Variants in SCAPER observed in about 807,000 individuals in gnomAD.
SCAPER encodes the protein S-phase cyclin A associated protein in the ER.
SCAPER carries 98 observed loss-of-function variants against 182.2 expected under a neutral mutation model. The ratio of observed to expected loss-of-function variants is 0.54; its 90% CI spans 0.46 to 0.64. The LOEUF (loss-of-function observed/expected upper bound fraction) is 0.64, where lower values mean the gene tolerates loss of function less well. SCAPER is among the 30% of genes least tolerant of loss of function. The pLI is 0.00. For synonymous variants in SCAPER, 605 were observed against 564.6 expected, an observed-to-expected ratio of 1.07 and a Z score of -1.01; for missense variants, 1,432 against 1,690.0, an observed-to-expected ratio of 0.85 and a Z score of 2.68.
chr15:76,858,645 T>G (rs1383948161), intron 3 of SCAPER, among the ~76,000 whole-genome samples: 3 of 152,158 alleles, frequency 2.0e-5, no homozygotes, highest in Non-Finnish European at 4.4e-5. Flanking sequence ...TAGGCCCTGT[T>G]GTCTTTTGCT....
chr15:76,694,386 G>T (rs571106268), intron 20 of SCAPER, among the ~76,000 whole-genome samples: 2 of 152,066 alleles, frequency 1.3e-5, no homozygotes, highest in South Asian at 4.2e-4. Flanking sequence ...TTCTTTTTCA[G>T]AAAGTTCATT....
intron 23 of SCAPER, among the ~76,000 whole-genome samples, chr15:76,553,374 C>T (rs1240810478): frequency 3.9e-5 from 6 of 152,228 alleles, no homozygotes; most frequent in African/African-American, 1.4e-4. Flanking sequence ...CCTGTCACCA[C>T]ATGGCCAACA....
chr15:76,469,816 T>C (rs560606581), intron 25 of SCAPER, among the ~76,000 whole-genome samples: 1 of 152,296 alleles, frequency 6.6e-6, no homozygotes, highest in African/African-American at 2.4e-5. Flanking sequence ...AGCAAATATA[T>C]TAAAATGCCT....
chr15:76,348,192 C>A lies in SCAPER; in HGVS notation c.*441G>T, dbSNP rs999508565. ...AGACCTTAAAAAGTTAAATTTAGAGCAGGTAAACTTTAATTAAGTCTTTAT... is the reference window on the plus strand; with the variant it reads ...AGACCTTAAAAAGTTAAATTTAGAGAAGGTAAACTTTAATTAAGTCTTTAT... On this transcript the variant is annotated 3_prime_UTR_variant, in exon 32 of 32. Coordinates refer to ENST00000563290, the MANE Select transcript of SCAPER (RefSeq NM_020843.4). 2.6e-5 allele frequency: 4 copies of A among 152,734 alleles called. No individual in the cohort carries two copies. Among genetic ancestry groups the A allele is most frequent in the African/African-American group, 9.7e-5 (4 of 41,436 alleles). 9.5% of individuals were successfully genotyped at this position (152,734 alleles called of 1,614,324 possible).
chr15:76,733,206 T>C, intron 16 of SCAPER, 23 bp downstream of exon 16: 1 of 1,550,954 alleles, frequency 6.4e-7, no homozygotes, highest in Non-Finnish European at 8.7e-7. Flanking sequence ...TCAAGCAATG[T>C]TTGCTGAATA....
At chr15:76,670,532 T>G (rs760693756) in intron 20 of SCAPER, among the ~76,000 whole-genome samples, 36 of 152,328 alleles carry the variant, frequency 2.4e-4, no homozygotes, top group Non-Finnish European at 4.1e-4. Flanking sequence ...TCCTTTATGA[T>G]CAAATCACAG....
At chr15:76,396,266 A>G (rs1171340589) in intron 27 of SCAPER, among the ~76,000 whole-genome samples, 1 of 152,024 alleles carries the variant, frequency 6.6e-6, no homozygotes, top group Admixed American at 6.6e-5. Flanking sequence ...TGATTCTTCC[A>G]GTTTTGTTCT....
intron 26 of SCAPER, among the ~76,000 whole-genome samples, chr15:76,418,652 CTG>C (rs1158193236): frequency 6.6e-6 from 1 of 152,258 alleles, no homozygotes; most frequent in South Asian, 2.1e-4. Context: ...ATCACTATAA[CTG>C]TAGCTGGCTG....
intron 21 of SCAPER, among the ~76,000 whole-genome samples, chr15:76,626,580 G>T (rs1293515034): frequency 6.6e-6 from 1 of 152,176 alleles, no homozygotes; most frequent in Non-Finnish European, 1.5e-5. Flanking sequence ...AGCTGGGTGT[G>T]GTGGCGCACG....
rs1176490015 is a variant in SCAPER at position 76,814,495 on chromosome 15, C to G, written c.394-9862G>C. The stretch of plus-strand genomic sequence containing the variant: ...GTGGTCAACTAATTTTCAACAAGAC[C>G]ACCAAAAAAACACAATGAGAAAAGG... On this transcript the variant is annotated intron_variant, in intron 5 of 31. Transcript: ENST00000563290. Among the ~76,000 whole-genome samples the G allele has an allele frequency of 2.0e-5, 3 of 151,736 alleles. No individual in the cohort carries two copies. The East Asian group carries it at 5.8e-4, about 29-fold the overall frequency.
intron 17 of SCAPER, among the ~76,000 whole-genome samples, chr15:76,713,065 G>C (rs2059677580): frequency 6.6e-6 from 1 of 152,044 alleles, no homozygotes; most frequent in African/African-American, 2.4e-5. Context: ...GTATGATATT[G>C]GCTGTGGGTT....
At chr15:76,840,415 C>T (rs532464512) in intron 5 of SCAPER, among the ~76,000 whole-genome samples, 1 of 129,476 alleles carries the variant, frequency 7.7e-6, no homozygotes, top group Non-Finnish European at 1.6e-5. Context: ...AAAGACCTGC[C>T]TCAAAAAAAA....
At chr15:76,425,243 A>T (rs991259458) in intron 26 of SCAPER, among the ~76,000 whole-genome samples, 8 of 152,120 alleles carry the variant, frequency 5.3e-5, no homozygotes, top group South Asian at 2.1e-4. Flanking sequence ...CCTGTCACTT[A>T]CAGGTACACC....
intron 21 of SCAPER, among the ~76,000 whole-genome samples, chr15:76,636,858 C>A (rs1301924952): frequency 6.6e-6 from 1 of 152,022 alleles, no homozygotes; most frequent in African/African-American, 2.4e-5. Context: ...TGTGGAGGTA[C>A]GAACTTTGGT....
chr15:76,472,318 C>A (rs1299886281), intron 24 of SCAPER: 3 of 675,016 alleles, frequency 4.4e-6, no homozygotes, highest in African/African-American at 3.6e-5. Context: ...AATGAAGATG[C>A]CAAAACAGAC....
At chr15:76,904,394 C>A (rs904715312) in intron 1 of SCAPER, among the ~76,000 whole-genome samples, 1 of 152,122 alleles carries the variant, frequency 6.6e-6, no homozygotes, top group African/African-American at 2.4e-5. Context: ...AGTATCTGTT[C>A]GGTAAAATGA....
chr15:76,476,289 A>G (rs2050621855), intron 24 of SCAPER, among the ~76,000 whole-genome samples: 1 of 152,232 alleles, frequency 6.6e-6, no homozygotes, highest in Non-Finnish European at 1.5e-5. Context: ...CATTAGCCAC[A>G]CATTTACTTC....
intron 14 of SCAPER, among the ~76,000 whole-genome samples, chr15:76,761,834 T>C (rs1426304547): frequency 6.6e-6 from 1 of 152,210 alleles, no homozygotes; most frequent in East Asian, 1.9e-4. Flanking sequence ...AGCTGTTTCA[T>C]TACTGATTTT....
At chr15:76,711,630 T>G (rs968211916) in intron 17 of SCAPER, among the ~76,000 whole-genome samples, 2 of 152,234 alleles carry the variant, frequency 1.3e-5, no homozygotes, top group Non-Finnish European at 2.9e-5. Context: ...ATTGCCATTC[T>G]AACTGGTGTG....
Sources: allele counts gnomAD v4.1 joint callset (sites outside exome capture counted in the v4.1 genomes callset), GRCh38; gene constraint gnomAD v4.1.1; transcripts MANE v1.5; gene names NCBI Gene and HGNC (gene_info 2026-07-23, HGNC 2026-07-21).